The following DLL4 variants were observed in gnomAD, a reference collection of about 807,000 sequenced individuals.
DLL4 encodes delta-like protein 4.
DLL4 carries 7 observed loss-of-function variants against 73.6 expected under a neutral mutation model. The ratio of observed to expected loss-of-function variants is 0.10; its 90% CI spans 0.05 to 0.18. The LOEUF is 0.18. DLL4 is among the 10% of genes least tolerant of loss of function. DLL4 has a pLI of 1.00. For synonymous variants in DLL4, 345 were observed against 374.3 expected (o/e 0.92, Z 0.90); for missense variants, 614 against 929.9 (o/e 0.66, Z 4.42).
chr15:40,931,364 C>A, intron 3 of DLL4, 139 bp from the exon 4 acceptor site: 1 of 1,066,562 alleles, frequency 9.4e-7, no homozygotes, highest in Non-Finnish European at 1.3e-6. Flanking sequence ...TTCTTGCTGG[C>A]AGGCGGGGGT....
At chr15:40,934,833 A>T in intron 7 of DLL4, 65 bp from the exon 8 acceptor site, 1 of 1,589,454 alleles carries the variant, frequency 6.3e-7, no homozygotes, top group Non-Finnish European at 8.6e-7. Flanking sequence ...GGTGGAGCCC[A>T]GCCTTCAGTC....
rs1194918370 is a variant in DLL4 at position 40,929,836 on chromosome 15, C to A, written c.67-11C>A. 6.2e-7 allele frequency: 1 copy of A among 1,610,448 alleles called. No individual in the cohort carries two copies. Among genetic ancestry groups the A allele is most frequent in the African/African-American group, 1.3e-5 (1 of 74,942 alleles). Reference sequence around the variant, plus strand: ...GTCCCCTCCCTCCTTCCCTCGGTCCCTGTGCAATAGCGCGCGGCCGGCTCC... The same window carrying A: ...GTCCCCTCCCTCCTTCCCTCGGTCCATGTGCAATAGCGCGCGGCCGGCTCC... On this transcript the variant is annotated splice_polypyrimidine_tract_variant and intron_variant, in intron 1 of 10. Coordinates refer to ENST00000249749, the MANE Select transcript of DLL4 (RefSeq NM_019074.4). The surrounding 1 kb of genome is among the most constrained non-coding windows in gnomAD (Gnocchi z 7.1).
intron 10 of DLL4, 88 bp from the exon 11 acceptor site, chr15:40,937,941 C>G: frequency 6.5e-7 from 1 of 1,532,536 alleles, no homozygotes; most frequent in Non-Finnish European, 8.9e-7. Flanking sequence ...CCTGCCCCAT[C>G]GCCTTCTCCC....
At position 40,935,121 on chromosome 15, in the gene DLL4, C is replaced by T. The variant is rs377581586; in HGVS notation, c.1240+4C>T. The T allele has an allele frequency of 6.8e-6, 11 of 1,609,196 alleles. No individual in the cohort carries two copies. Among genetic ancestry groups the T allele is most frequent in the African/African-American group, 1.3e-5 (1 of 74,904 alleles). On this transcript the variant is annotated splice_donor_region_variant and intron_variant, in intron 8 of 10. Transcript: ENST00000249749. ...ACCAGCAACCCCTGTGCCAACGGTG[C>T]GTGCTGCTGCCCTGCTAACCTGGTG...
At position 40,929,668 on chromosome 15, in the gene DLL4, G is replaced by T. The variant is rs1268138417; in HGVS notation, c.-1G>T. ...GGGTGGAGAGAGCGACGCCCGAGGG[G>T]ATGGCGGCAGCGTCCCGGAGCGCCT... On this transcript the variant is annotated 5_prime_UTR_variant, in exon 1 of 11. Transcript: ENST00000249749. This position sits in a 1 kb window ranked among gnomAD's most constrained non-coding sequence, Gnocchi z 7.1. 15 of 1,544,528 alleles carry T rather than the reference G, an allele frequency of 9.7e-6. No individual in the cohort carries two copies. Among genetic ancestry groups the T allele is most frequent in the Non-Finnish European group, 1.3e-5 (15 of 1,155,500 alleles).
chr15:40,938,138 C>T lies in DLL4; in HGVS notation c.*104C>T. On this transcript the variant is annotated 3_prime_UTR_variant, in exon 11 of 11. Transcript: ENST00000249749. ...TGGGACGTTTTTCATATGCAACGTG[C>T]TGCTCTCAGGAGGAGGAGGGAATGG... The T allele has an allele frequency of 7.7e-7, 1 of 1,296,602 alleles. No homozygotes were observed. Among genetic ancestry groups the T allele is most frequent in the Non-Finnish European group, 1.0e-6 (1 of 975,982 alleles). 80.3% of individuals were successfully genotyped at this position (1,296,602 alleles called of 1,614,324 possible). A position where few individuals can be genotyped will look rare whatever the true frequency, so the allele number is the denominator to read the frequency against.
In DLL4 at chr15:40,930,784, A is replaced by G. The variant is rs1892758762; in HGVS notation, c.394+102A>G. On this transcript the variant is annotated intron_variant, in intron 3 of 10. Transcript: ENST00000249749. This position sits in a 1 kb window ranked among gnomAD's most constrained non-coding sequence, Gnocchi z 5.7. ...AAGTGCGGGCTTGGGGGTGGGAGGC[A>G]GGACGCTTAGCTTGGCCTGGAGCTG... 2.4e-6 allele frequency: 3 copies of G among 1,228,128 alleles called. No individual in the cohort carries two copies. The highest frequency in any genetic ancestry group is 3.5e-6 in the Non-Finnish European group (3 of 858,978). 76.1% of individuals were successfully genotyped at this position (1,228,128 alleles called of 1,614,324 possible).
At position 40,929,828 on chromosome 15, in the gene DLL4, C is replaced by T; in HGVS notation, c.67-19C>T. On this transcript the variant is annotated intron_variant, in intron 1 of 10. Transcript: ENST00000249749. The surrounding 1 kb of genome is among the most constrained non-coding windows in gnomAD (Gnocchi z 7.1). ...GCTGACCGGTCCCCTCCCTCCTTCCCTCGGTCCCTGTGCAATAGCGCGCGG... is the reference window on the plus strand; with the variant it reads ...GCTGACCGGTCCCCTCCCTCCTTCCTTCGGTCCCTGTGCAATAGCGCGCGG... 1 of 1,609,890 alleles carries T rather than the reference C, an allele frequency of 6.2e-7. No homozygotes were observed. Among genetic ancestry groups the T allele is most frequent in the Non-Finnish European group, 8.5e-7 (1 of 1,179,364 alleles).
Position 40,934,993 on chromosome 15 carries a change from C to T in DLL4, c.1116C>T (p.Phe372=). 1 of 1,613,650 alleles carries T rather than the reference C, an allele frequency of 6.2e-7. No individual in the cohort carries two copies. Among genetic ancestry groups the T allele is most frequent in the Middle Eastern group, 1.6e-4 (1 of 6,062 alleles). Reference sequence around the variant, plus strand: ...TGAGCTGCGCCGACTCCCCCTGCTTCAATGGGGGCTCCTGCCGGGAGCGCA... The same window carrying T: ...TGAGCTGCGCCGACTCCCCCTGCTTTAATGGGGGCTCCTGCCGGGAGCGCA... The part of the protein sequence containing the change: ...STLSCADSPC[F]NGGSCRERNQ... The change falls in exon 8 of 11, where the codon TTC becomes TTT. Residue 372 remains phenylalanine, a synonymous_variant. Transcript: ENST00000249749.
rs542942988 is a variant in DLL4 at position 40,937,798 on chromosome 15, C to T, written c.2053-231C>T. On this transcript the variant is annotated intron_variant, in intron 10 of 10. Transcript: ENST00000249749. ...GCCAGCCTCTGATGGGTGAGGGGGC[C>T]CCTCACCCCTTGTGCCCTTCCTGCC... 4.9e-4 allele frequency among the ~76,000 whole-genome samples: 74 copies of T among 152,286 alleles called. 1 individual carries two copies. Among genetic ancestry groups the T allele is most frequent in the African/African-American group, 1.8e-3 (73 of 41,574 alleles).
Position 40,930,140 on chromosome 15 carries a change from G to A in DLL4, c.336+24G>A, listed in dbSNP as rs1892744204. Reference sequence around the variant, plus strand: ...CGGTGAGCACAGCCTGGGCGCACTGGGAGGTCGCAGAAGCCGAGAGAGGAG... The same window carrying A: ...CGGTGAGCACAGCCTGGGCGCACTGAGAGGTCGCAGAAGCCGAGAGAGGAG... On this transcript the variant is annotated intron_variant, in intron 2 of 10. Transcript: ENST00000249749. The surrounding 1 kb of genome is among the most constrained non-coding windows in gnomAD (Gnocchi z 5.7). 1.3e-6 allele frequency: 2 copies of A among 1,599,720 alleles called. No homozygotes were observed. Among genetic ancestry groups the A allele is most frequent in the Admixed American group, 1.7e-5 (1 of 58,426 alleles).
In DLL4 at chr15:40,936,225, C is replaced by T. The variant is rs1161303977; in HGVS notation, c.1241-3C>T. 1.9e-6 allele frequency: 3 copies of T among 1,577,602 alleles called. No homozygotes were observed. The highest frequency in any genetic ancestry group is 2.6e-6 in the Non-Finnish European group (3 of 1,164,328). On this transcript the variant is annotated splice_region_variant and splice_polypyrimidine_tract_variant and intron_variant, in intron 8 of 10. Transcript: ENST00000249749. ...CTGACTTGTGTCTCATGCGTCCTCA[C>T]AGGGGGACAGTGCCTGAACCGAGGT... is the stretch of plus-strand genomic sequence containing the variant.
At chr15:40,934,439 G>C in intron 6 of DLL4, 109 bp from the exon 7 acceptor site, 1 of 1,078,182 alleles carries the variant, frequency 9.3e-7, no homozygotes. Context: ...GGGAGACTTT[G>C]AGTTGAGGTG....
chr15:40,936,415 G>C lies in DLL4; in HGVS notation c.1428G>C (p.Glu476Asp). The change falls in exon 9 of 11, where the codon GAG becomes GAC. Residue 476 changes from glutamate (E) to aspartate (D), a missense_variant. Glu to Asp is a conservative substitution (Grantham distance 45). Around this residue, in one of 3 missense-constraint regions of DLL4, gnomAD observed 386 missense variants for 541.3 expected, o/e 0.71. Transcript: ENST00000249749. ...CPAGFSGRRC[E>D]VRTSIDACAS... is the part of the protein sequence containing the mutation. ...CCGGCTTCTCTGGCCGACGCTGTGA[G>C]GTGCGGACATCCATCGATGCCTGTG... 1 of 1,611,718 alleles carries C rather than the reference G, an allele frequency of 6.2e-7. No homozygotes were observed. The highest frequency in any genetic ancestry group is 8.5e-7 in the Non-Finnish European group (1 of 1,179,454).
chr15:40,935,266 G>A, intron 8 of DLL4, 149 bp downstream of exon 8: 1 of 843,524 alleles, frequency 1.2e-6, no homozygotes. Flanking sequence ...TTGATCAGCT[G>A]GGGGGCTGTG....
rs184298213 is a variant in DLL4, at chr15:40,935,562, G to A, written c.1240+445G>A. On this transcript the variant is annotated intron_variant, in intron 8 of 10. Transcript: ENST00000249749. ...ATCTTGAATGTTTGCACCTTTTGAGGCACAAAGCCTGTTGGTAATCCTTGT... is the reference window on the plus strand; with the variant it reads ...ATCTTGAATGTTTGCACCTTTTGAGACACAAAGCCTGTTGGTAATCCTTGT... Among the ~76,000 whole-genome samples, 431 of 152,276 alleles carry A rather than the reference G, an allele frequency of 2.8e-3. 3 individuals are homozygous for A. The highest frequency in any genetic ancestry group is 0.015 in the South Asian group (71 of 4,812).
In DLL4 at chr15:40,938,261, A is replaced by T. The variant is rs753622375; in HGVS notation, c.*227A>T. On this transcript the variant is annotated 3_prime_UTR_variant, in exon 11 of 11. Transcript: ENST00000249749. ...TCAGATTGGCAGCTGCACCAACCAG[A>T]GGAACAGAAGAGAAGAGAGATGCCA... The T allele has an allele frequency of 3.7e-5, 16 of 436,704 alleles. No homozygotes were observed. Among genetic ancestry groups the T allele is most frequent in the Non-Finnish European group, 5.6e-5 (14 of 249,620 alleles). The allele number at this position is 436,704 out of a possible 1,614,324, so 27.1% of individuals were successfully genotyped here. A position where few individuals can be genotyped will look rare whatever the true frequency, so the allele number is the denominator to read the frequency against.
intron 3 of DLL4, 38 bp from the exon 4 acceptor site, chr15:40,931,465 T>C (rs374177330): frequency 1.6e-4 from 259 of 1,585,148 alleles, no homozygotes; most frequent in Non-Finnish European, 2.1e-4. Flanking sequence ...CCTTGGGGAC[T>C]GGCGACCCTT....
rs1314459849 is a variant in DLL4, at chr15:40,930,566, C to T, written c.337-59C>T. Reference sequence around the variant, plus strand: ...ATTAAACAGGCTGCCGCAAGGCACCCCCACCTCTCCCCGCTTGCTCATCTC... The same window carrying T: ...ATTAAACAGGCTGCCGCAAGGCACCTCCACCTCTCCCCGCTTGCTCATCTC... On this transcript the variant is annotated intron_variant, in intron 2 of 10. Coordinates refer to ENST00000249749, the MANE Select transcript of DLL4 (RefSeq NM_019074.4). The surrounding 1 kb of genome is among the most constrained non-coding windows in gnomAD (Gnocchi z 5.7). 1.4e-6 allele frequency: 2 copies of T among 1,429,444 alleles called. No individual in the cohort carries two copies. The highest frequency in any genetic ancestry group is 2.0e-6 in the Non-Finnish European group (2 of 1,016,982). The allele number at this position is 1,429,444 out of a possible 1,614,324, so 88.5% of individuals were successfully genotyped here.
Sources: gnomAD v4.1 joint callset for allele counts (sites outside exome capture counted in the v4.1 genomes callset) on GRCh38, gnomAD v4.1.1 for gene constraint, gnomAD v4.1.1 regional missense constraint, Gnocchi (gnomAD v3.1) non-coding constraint, MANE v1.5 for transcripts, NCBI Gene and HGNC (gene_info 2026-07-23, HGNC 2026-07-21) for gene names.